The following GMFB variants were observed in gnomAD, a reference collection of about 807,000 sequenced individuals.
GMFB encodes GMF-beta.
GMFB carries 13 observed loss-of-function variants against 25.6 expected under a neutral mutation model. That is an observed-to-expected ratio of 0.51 (90% CI 0.33 to 0.81). The LOEUF (loss-of-function observed/expected upper bound fraction) is 0.81, where lower values mean the gene tolerates loss of function less well. GMFB is among the 30% of genes least tolerant of loss of function. The pLI, the probability that GMFB is intolerant of heterozygous loss-of-function variation, is 0.02. For missense variants in GMFB, 146 were observed against 175.4 expected (o/e 0.83, Z 0.95); for synonymous variants, 57 against 56.9 (o/e 1.00, Z 0.00).
In GMFB at chr14:54,480,962, T is replaced by C. The variant is rs751105605; in HGVS notation, c.201-6A>G. 3 of 1,404,086 alleles carry C rather than the reference T, an allele frequency of 2.1e-6. No homozygotes were observed. Among genetic ancestry groups the C allele is most frequent in the Non-Finnish European group, 2.0e-6 (2 of 1,005,816 alleles). 87.0% of individuals were successfully genotyped at this position (1,404,086 alleles called of 1,614,324 possible). ...TATAACTATACACAATGAAGGTTTTTCTCAAGTTAAAGAAACTAAAGTTAC... is the reference window on the plus strand; with the variant it reads ...TATAACTATACACAATGAAGGTTTTCCTCAAGTTAAAGAAACTAAAGTTAC... On this transcript the variant is annotated splice_region_variant and splice_polypyrimidine_tract_variant and intron_variant, in intron 4 of 6. Transcript: ENST00000358056.
intron 5 of GMFB, 109 bp downstream of exon 5, chr14:54,480,765 T>C (rs1315904710): frequency 1.1e-5 from 7 of 654,598 alleles, no homozygotes; most frequent in Non-Finnish European, 1.9e-5. Context: ...CTCCTCAATT[T>C]AGGTTATTCA....
chr14:54,486,650 A>G (rs2031786525), intron 1 of GMFB, among the ~76,000 whole-genome samples: 1 of 152,238 alleles, frequency 6.6e-6, no homozygotes. Context: ...GTTAACATGT[A>G]TCAGACCCTA....
intron 2 of GMFB, 23 bp downstream of exon 2, chr14:54,483,648 T>C: frequency 1.7e-6 from 2 of 1,209,122 alleles, no homozygotes; most frequent in Non-Finnish European, 2.4e-6. Context: ...CATGTAACTT[T>C]GAGGCAATCA....
chr14:54,479,893 C>G (rs2031688248), intron 5 of GMFB, 34 bp from the exon 6 acceptor site: 1 of 1,265,656 alleles, frequency 7.9e-7, no homozygotes, highest in African/African-American at 1.5e-5. Context: ...AAATGAGACA[C>G]AGATTTTGAG....
intron 6 of GMFB, chr14:54,479,574 T>G (rs1279802088): frequency 6.5e-6 from 3 of 460,964 alleles, no homozygotes; most frequent in Non-Finnish European, 1.2e-5. Context: ...TGAATGTGAT[T>G]TCTTCCAATC....
At chr14:54,488,278 G>A (rs965980037) in intron 1 of GMFB, among the ~76,000 whole-genome samples, 2 of 152,168 alleles carry the variant, frequency 1.3e-5, no homozygotes, top group South Asian at 2.1e-4. Flanking sequence ...AAGAACAGAA[G>A]CCACAGCCCC....
chr14:54,475,290 T>G lies in GMFB; in HGVS notation c.*2798A>C, dbSNP rs1300573724. 6.6e-6 allele frequency: 1 copy of G among 152,540 alleles called. No homozygotes were observed. The highest frequency in any genetic ancestry group is 1.5e-5 in the Non-Finnish European group (1 of 67,972). 9.4% of individuals were successfully genotyped at this position (152,540 alleles called of 1,614,324 possible). The stretch of plus-strand genomic sequence containing the variant: ...GCAATAAACTCCCCTAACTGGAAAT[T>G]TTTAGCTAAAGTGTCAGACAAGGAT... On this transcript the variant is annotated 3_prime_UTR_variant, in exon 7 of 7. Transcript: ENST00000358056.
rs1043581249 is a variant in GMFB at position 54,476,049 on chromosome 14, AT to A, written c.*2038del. 6.6e-6 allele frequency: 1 copy of A among 152,112 alleles called. No individual in the cohort carries two copies. Among genetic ancestry groups the A allele is most frequent in the Non-Finnish European group, 1.5e-5 (1 of 67,948 alleles). The allele number at this position is 152,112 out of a possible 1,614,324, so 9.4% of individuals were successfully genotyped here. On this transcript the variant is annotated 3_prime_UTR_variant, in exon 7 of 7. Coordinates refer to ENST00000358056, the MANE Select transcript of GMFB (RefSeq NM_004124.3). Reference sequence around the variant, plus strand: ...TAAATTTCCCCATAGGACAGATGGAATAAAAATGTCCTACTGATCCTCTAAC... The same window carrying A: ...TAAATTTCCCCATAGGACAGATGGAAAAAAATGTCCTACTGATCCTCTAAC...
chr14:54,488,499 A>ATT (rs2031820058), intron 1 of GMFB: 1 of 180,164 alleles, frequency 5.6e-6, no homozygotes, highest in Non-Finnish European at 1.2e-5. Context: ...CGCCAGGTGG[A>ATT]AGATGCTCGG....
Position 54,488,922 on chromosome 14 carries a change from C to CA in GMFB, c.3+2dup. The CA allele has an allele frequency of 6.4e-7, 1 of 1,563,082 alleles. No homozygotes were observed. On this transcript the variant is annotated splice_region_variant and intron_variant, in intron 1 of 6. Coordinates refer to ENST00000358056, the MANE Select transcript of GMFB (RefSeq NM_004124.3). The stretch of plus-strand genomic sequence containing the variant: ...GGCCCCCGCCCTCCCAGCGGCAACT[C>CA]ACCATTTTCCTTCCGGCCGTCAGCG...
intron 1 of GMFB, among the ~76,000 whole-genome samples, chr14:54,487,753 G>C (rs2031807603): frequency 6.6e-6 from 1 of 152,170 alleles, no homozygotes; most frequent in Non-Finnish European, 1.5e-5. Flanking sequence ...TTGGATCTCA[G>C]AAGCAAGGTC....
intron 1 of GMFB, among the ~76,000 whole-genome samples, chr14:54,488,448 C>T (rs564147699): frequency 6.6e-6 from 1 of 152,202 alleles, no homozygotes; most frequent in Non-Finnish European, 1.5e-5. Context: ...AAGGTGAGGC[C>T]GAGAGAATTC....
intron 1 of GMFB, among the ~76,000 whole-genome samples, chr14:54,484,715 C>A (rs2031760250): frequency 1.3e-5 from 2 of 152,124 alleles, no homozygotes; most frequent in South Asian, 4.2e-4. Flanking sequence ...CACAACCAGA[C>A]AAGTATACAA....
intron 4 of GMFB, 63 bp from the exon 5 acceptor site, chr14:54,481,019 G>C (rs2031704493): frequency 2.7e-6 from 2 of 749,216 alleles, no homozygotes; most frequent in South Asian, 3.4e-5. Flanking sequence ...CAACACCTGG[G>C]GAGCTACTGA....
At position 54,488,775 on chromosome 14, in the gene GMFB, T is replaced by C. The variant is rs553027531; in HGVS notation, c.3+150A>G. 2.6e-3 allele frequency: 1,537 copies of C among 586,624 alleles called. 2 individuals carry two copies. Among genetic ancestry groups the C allele is most frequent in the Middle Eastern group, 0.011 (24 of 2,258 alleles). 36.3% of individuals were successfully genotyped at this position (586,624 alleles called of 1,614,324 possible). On this transcript the variant is annotated intron_variant, in intron 1 of 6. Transcript: ENST00000358056. ...TGGCGGCGGCAGAGGCCAAGTACTC[T>C]AGCTATGGGCACTGGCCAGCTGCTG...
intron 2 of GMFB, among the ~76,000 whole-genome samples, chr14:54,482,411 C>G (rs1418483410): frequency 6.6e-6 from 1 of 152,128 alleles, no homozygotes; most frequent in Non-Finnish European, 1.5e-5. Context: ...ACCCATAATT[C>G]CCAGTACCTA....
intron 2 of GMFB, among the ~76,000 whole-genome samples, chr14:54,482,563 C>G (rs1163025094): frequency 6.6e-6 from 1 of 152,148 alleles, no homozygotes; most frequent in East Asian, 1.9e-4. Flanking sequence ...GCAACATGGT[C>G]AGAACTGCAA....
At position 54,488,637 on chromosome 14, in the gene GMFB, G is replaced by A. The variant is rs551220350; in HGVS notation, c.3+288C>T. ...AGAAGCTGAAGCCCTCCAACCAGAA[G>A]GACCTGGCGTGGGGCCTCCCCAACC... On this transcript the variant is annotated intron_variant, in intron 1 of 6. Coordinates refer to ENST00000358056, the MANE Select transcript of GMFB (RefSeq NM_004124.3). 11 of 396,018 alleles carry A rather than the reference G, an allele frequency of 2.8e-5. No homozygotes were observed. In the East Asian group the frequency reaches 3.0e-4, roughly 11 times the overall value. The allele number at this position is 396,018 out of a possible 1,614,324, so 24.5% of individuals were successfully genotyped here.
chr14:54,479,707 C>A, intron 6 of GMFB, 79 bp downstream of exon 6: 2 of 828,636 alleles, frequency 2.4e-6, no homozygotes, highest in South Asian at 2.9e-5. Flanking sequence ...AAAAAATACT[C>A]CTTTAGACTA....
Sources: allele counts gnomAD v4.1 joint callset (sites outside exome capture counted in the v4.1 genomes callset), GRCh38; gene constraint gnomAD v4.1.1; transcripts MANE v1.5; gene names NCBI Gene and HGNC (gene_info 2026-07-23, HGNC 2026-07-21).